EEPD1: variants seen among roughly 807,000 people sequenced by gnomAD.
The protein encoded by EEPD1 is endonuclease/exonuclease/phosphatase family domain containing 1, also known as endonuclease/exonuclease/phosphatase family domain-containing protein 1.
In EEPD1, 17 loss-of-function variants were observed where a neutral mutation model predicts 46.3. The ratio of observed to expected loss-of-function variants is 0.37; its 90% CI spans 0.25 to 0.55. EEPD1 has a LOEUF of 0.55. EEPD1 is among the 20% of genes least tolerant of loss of function. The pLI is 0.83. For synonymous variants in EEPD1, 313 were observed against 315.6 expected (o/e 0.99, Z 0.09); for missense variants, 673 against 745.6 (o/e 0.90, Z 1.13).
chr7:36,279,099 G>A (rs922458249), intron 3 of EEPD1, among the ~76,000 whole-genome samples: 30 of 104,406 alleles, frequency 2.9e-4, no homozygotes, highest in African/African-American at 1.0e-3. Context: ...CGACTCCCCC[G>A]CATCCCCGAC....
chr7:36,297,652 G>A (rs1787548899), intron 7 of EEPD1, among the ~76,000 whole-genome samples: 1 of 152,220 alleles, frequency 6.6e-6, no homozygotes, highest in African/African-American at 2.4e-5. Flanking sequence ...ACATGCAAGT[G>A]TTGTGTTGTA....
chr7:36,273,755 T>G (rs1787145997), intron 3 of EEPD1, among the ~76,000 whole-genome samples: 2 of 152,296 alleles, frequency 1.3e-5, no homozygotes, highest in South Asian at 4.1e-4. Flanking sequence ...ATGGGGAGAC[T>G]GAGGCGCAAA....
At chr7:36,163,212 G>GT (rs1348112540) in intron 2 of EEPD1, among the ~76,000 whole-genome samples, 1 of 151,050 alleles carries the variant, frequency 6.6e-6, no homozygotes, top group East Asian at 1.9e-4. Context: ...TCCTTTCTTG[G>GT]TGGGCAGCCT....
intron 2 of EEPD1, among the ~76,000 whole-genome samples, chr7:36,161,496 G>A (rs113726254): frequency 1.7e-3 from 263 of 152,134 alleles, no homozygotes; most frequent in African/African-American, 6.1e-3. Flanking sequence ...TAGTGGCATA[G>A]TGACAATTGA....
intron 2 of EEPD1, among the ~76,000 whole-genome samples, chr7:36,179,923 T>C (rs1489445973): frequency 6.6e-6 from 1 of 152,092 alleles, no homozygotes; most frequent in Non-Finnish European, 1.5e-5. Flanking sequence ...GCCTTAAGTG[T>C]GTCCCCCACC....
chr7:36,264,788 G>A (rs1249131360), intron 3 of EEPD1, among the ~76,000 whole-genome samples: 1 of 151,994 alleles, frequency 6.6e-6, no homozygotes, highest in Non-Finnish European at 1.5e-5. Flanking sequence ...AGATAGCTTG[G>A]GTATTTGGCT....
rs35478776 is a variant in EEPD1, at chr7:36,258,885, GAAAAA to G, written c.930+19864_930+19868del. 1.5e-4 allele frequency among the ~76,000 whole-genome samples: 17 copies of G among 115,100 alleles called. No individual in the cohort carries two copies. The East Asian group carries it at 4.5e-3, about 31-fold the overall frequency. 75.5% of individuals were successfully genotyped at this position (115,100 alleles called of 152,430 possible). A position where few individuals can be genotyped will look rare whatever the true frequency, so the allele number is the denominator to read the frequency against. ...GGCATTCCAGGTGCCACTGGGGTAT[GAAAAA>G]AAAAAAAAAAAAAACTGCAGCTAGC... On this transcript the variant is annotated intron_variant, in intron 3 of 7. Transcript: ENST00000242108.
At chr7:36,254,167 G>A (rs934425986) in intron 3 of EEPD1, among the ~76,000 whole-genome samples, 1 of 152,026 alleles carries the variant, frequency 6.6e-6, no homozygotes, top group Non-Finnish European at 1.5e-5. Flanking sequence ...TCTGAGGTAC[G>A]TGTGCAGAAC....
intron 2 of EEPD1, among the ~76,000 whole-genome samples, chr7:36,175,864 T>C (rs959900559): frequency 8.5e-5 from 13 of 152,320 alleles, no homozygotes; most frequent in Admixed American, 5.2e-4. Context: ...AGTAGAAGCC[T>C]CAGACCCTGC....
chr7:36,239,145 C>A, intron 3 of EEPD1, 109 bp downstream of exon 3: 2 of 1,101,386 alleles, frequency 1.8e-6, no homozygotes, highest in South Asian at 2.7e-5. Flanking sequence ...AAAAGACGGT[C>A]AGTTATTTTG....
At position 36,196,828 on chromosome 7, in the gene EEPD1, C is replaced by T. The variant is rs376369359; in HGVS notation, c.878+41626C>T. 1.7e-4 allele frequency among the ~76,000 whole-genome samples: 26 copies of T among 152,104 alleles called. No individual in the cohort carries two copies. The East Asian group carries it at 4.5e-3, about 26-fold the overall frequency. ...GCGAAGATTGCAGCCTCTGCCCGGCCGCCACCCCGTCTGGGAAGTGAGGAG... is the reference window on the plus strand; with the variant it reads ...GCGAAGATTGCAGCCTCTGCCCGGCTGCCACCCCGTCTGGGAAGTGAGGAG... On this transcript the variant is annotated intron_variant, in intron 2 of 7. Transcript: ENST00000242108.
intron 3 of EEPD1, among the ~76,000 whole-genome samples, chr7:36,250,749 A>T (rs1361655620): frequency 1.3e-5 from 2 of 152,106 alleles, no homozygotes; most frequent in Non-Finnish European, 2.9e-5. Context: ...TCCCAGAAAG[A>T]TGCGTATATG....
chr7:36,199,962 A>G (rs1785686991), intron 2 of EEPD1, among the ~76,000 whole-genome samples: 1 of 152,150 alleles, frequency 6.6e-6, no homozygotes, highest in Non-Finnish European at 1.5e-5. Context: ...GCATTTATAA[A>G]GAATAGCTAT....
chr7:36,196,546 C>CGATT (rs1378080536), intron 2 of EEPD1, among the ~76,000 whole-genome samples: 1 of 152,198 alleles, frequency 6.6e-6, no homozygotes, highest in African/African-American at 2.4e-5. Context: ...CCAGTGCCTG[C>CGATT]GATTGCAGGC....
chr7:36,209,459 C>T (rs1042171001), intron 2 of EEPD1, among the ~76,000 whole-genome samples: 3 of 152,102 alleles, frequency 2.0e-5, no homozygotes, highest in African/African-American at 2.4e-5. Flanking sequence ...ACACGTGTGC[C>T]GTTATTGATG....
At chr7:36,178,660 C>G (rs1785224085) in intron 2 of EEPD1, among the ~76,000 whole-genome samples, 1 of 152,210 alleles carries the variant, frequency 6.6e-6, no homozygotes, top group Non-Finnish European at 1.5e-5. Flanking sequence ...TTTGTGCCCC[C>G]TCAGGAGCCC....
intron 2 of EEPD1, among the ~76,000 whole-genome samples, chr7:36,198,587 G>T (rs1333018976): frequency 6.6e-6 from 1 of 152,176 alleles, no homozygotes; most frequent in East Asian, 1.9e-4. Flanking sequence ...GGTGAGCAGG[G>T]CGCTCTTTGG....
chr7:36,216,234 C>T (rs1043499949), intron 2 of EEPD1, among the ~76,000 whole-genome samples: 1 of 152,194 alleles, frequency 6.6e-6, no homozygotes, highest in Admixed American at 6.5e-5. Context: ...GACTGCCCCG[C>T]ACAAGGCTGC....
At chr7:36,241,449 G>T (rs893071540) in intron 3 of EEPD1, among the ~76,000 whole-genome samples, 1 of 152,052 alleles carries the variant, frequency 6.6e-6, no homozygotes, top group African/African-American at 2.4e-5. Context: ...CTCCAGCCTG[G>T]GCAGCAGAGC....
Sources: allele counts gnomAD v4.1 joint callset (sites outside exome capture counted in the v4.1 genomes callset), GRCh38; gene constraint gnomAD v4.1.1; transcripts MANE v1.5; gene names NCBI Gene and HGNC (gene_info 2026-07-23, HGNC 2026-07-21).